Variants in DPH3 observed in about 807,000 individuals in gnomAD.
DPH3 encodes the protein diphthamide biosynthesis protein 3.
A neutral mutation model predicts 10.2 loss-of-function variants in DPH3; 8 were observed. That is an observed-to-expected ratio of 0.79 (90% CI 0.46 to 1.42). The LOEUF (loss-of-function observed/expected upper bound fraction) is 1.42, where lower values mean the gene tolerates loss of function less well. DPH3 is among the 40% of genes most tolerant of loss of function. The pLI is 0.00. For missense variants in DPH3, 96 were observed against 98.9 expected, an observed-to-expected ratio of 0.97 and a Z score of 0.12; for synonymous variants, 35 against 35.6, an observed-to-expected ratio of 0.98 and a Z score of 0.06.
rs750653398 is a variant in DPH3 at position 16,263,506 on chromosome 3, C to T, written c.183+649G>A. On this transcript the variant is annotated intron_variant, in intron 2 of 2. Coordinates refer to ENST00000488423, the MANE Select transcript of DPH3 (RefSeq NM_206831.3). The surrounding 1 kb of genome is among the most constrained non-coding windows in gnomAD (Gnocchi z 4.0). The stretch of plus-strand genomic sequence containing the variant: ...CTAAATTATAGTCTAAATTATAGCC[C>T]GCTTCTCTCATGAGGCTCTGTGCCT... Among the ~76,000 whole-genome samples, 4 of 152,122 alleles carry T rather than the reference C, an allele frequency of 2.6e-5. No individual in the cohort carries two copies. The highest frequency in any genetic ancestry group is 2.1e-4 in the South Asian group (1 of 4,826).
rs2064290690 is a variant in DPH3, at chr3:16,261,046, A to G, written c.184-217T>C. On this transcript the variant is annotated intron_variant, in intron 2 of 2. Coordinates refer to ENST00000488423, the MANE Select transcript of DPH3 (RefSeq NM_206831.3). This position sits in a 1 kb window ranked among gnomAD's most constrained non-coding sequence, Gnocchi z 7.1. ...GATCTGAATTCATTATTTAATACAA[A>G]GCACCTTATAAACAAACATCCCTAT... is the stretch of plus-strand genomic sequence containing the variant. Among the ~76,000 whole-genome samples the G allele has an allele frequency of 6.6e-6, 1 of 152,242 alleles. No individual in the cohort carries two copies. Among genetic ancestry groups the G allele is most frequent in the African/African-American group, 2.4e-5 (1 of 41,470 alleles).
At position 16,258,971 on chromosome 3, in the gene DPH3, T is replaced by C. The variant is rs1467058486; in HGVS notation, c.*1793A>G. The C allele has an allele frequency of 2.6e-5, 4 of 152,248 alleles. No individual in the cohort carries two copies. Among genetic ancestry groups the C allele is most frequent in the African/African-American group, 9.6e-5 (4 of 41,466 alleles). The allele number at this position is 152,248 out of a possible 1,614,324, so 9.4% of individuals were successfully genotyped here. ...TCTTTTTTCCTGGGATGTGTGAACC[T>C]GGCAACTTTTCTTCCTGTTCTTCTA... On this transcript the variant is annotated 3_prime_UTR_variant, in exon 3 of 3. Coordinates refer to ENST00000488423, the MANE Select transcript of DPH3 (RefSeq NM_206831.3).
rs555507810 is a variant in DPH3, at chr3:16,258,151, G to C, written c.*2613C>G. 4 of 152,292 alleles carry C rather than the reference G, an allele frequency of 2.6e-5. 1 individual carries two copies. The highest frequency in any genetic ancestry group is 1.9e-4 in the East Asian group (1 of 5,186). The allele number at this position is 152,292 out of a possible 1,614,324, so 9.4% of individuals were successfully genotyped here. A position where few individuals can be genotyped will look rare whatever the true frequency, so the allele number is the denominator to read the frequency against. On this transcript the variant is annotated 3_prime_UTR_variant, in exon 3 of 3. Coordinates refer to ENST00000488423, the MANE Select transcript of DPH3 (RefSeq NM_206831.3). ...ACAGTCGACTTCATATTTTAAACTT[G>C]TAAGTGTGGTAACATCAAGTTTTGG...
intron 2 of DPH3, 93 bp from the exon 3 acceptor site, chr3:16,260,922 C>G: frequency 9.0e-7 from 1 of 1,114,038 alleles, no homozygotes; most frequent in Non-Finnish European, 1.3e-6. Context: ...ATCAATCCAG[C>G]GCTGTTAATT....
At chr3:16,264,118 C>A in intron 2 of DPH3, 37 bp downstream of exon 2, 1 of 1,497,460 alleles carries the variant, frequency 6.7e-7, no homozygotes, top group Non-Finnish European at 9.2e-7. Flanking sequence ...CACTGACTTA[C>A]AATACCCTTC....
At position 16,260,842 on chromosome 3, in the gene DPH3, G is replaced by A; in HGVS notation, c.184-13C>T. ...ACACAAACTGATCCTAAGACAGAGT[G>A]AGAAATGACATTAACCAATGAATTT... On this transcript the variant is annotated splice_polypyrimidine_tract_variant and intron_variant, in intron 2 of 2. Transcript: ENST00000488423. 6.2e-7 allele frequency: 1 copy of A among 1,610,902 alleles called. No homozygotes were observed.
chr3:16,264,283 TC>T, intron 1 of DPH3, 54 bp from the exon 2 acceptor site: 1 of 1,449,770 alleles, frequency 6.9e-7, no homozygotes, highest in Non-Finnish European at 9.5e-7. Flanking sequence ...CGCCATCTCC[TC>T]CCCCAAACCT....
chr3:16,264,214 C>T lies in DPH3; in HGVS notation c.124G>A (p.Gly42Arg). ...FSITKEDLEN[G>R]EDVATCPSCS... ...CTAGGACACGTTGCCACGTCTTCCCCATTCTCCAAATCTTCCTACAACGAA... is the reference window on the plus strand; with the variant it reads ...CTAGGACACGTTGCCACGTCTTCCCTATTCTCCAAATCTTCCTACAACGAA... The change falls in exon 2 of 3, where the codon GGG becomes AGG. Residue 42 changes from glycine (G) to arginine (R), a missense_variant. By Grantham distance (125) the Gly-to-Arg change is moderately radical (BLOSUM62 -2). Transcript: ENST00000488423. 6.2e-7 allele frequency: 1 copy of T among 1,607,854 alleles called. No individual in the cohort carries two copies. The highest frequency in any genetic ancestry group is 8.5e-7 in the Non-Finnish European group (1 of 1,175,900).
chr3:16,264,780 A>G lies in DPH3; in HGVS notation c.97T>C (p.Ser33Pro). 6.2e-7 allele frequency: 1 copy of G among 1,614,130 alleles called. No individual in the cohort carries two copies. Residue 33 changes from serine (S) to proline (P), a missense_variant, in exon 1 of 3, where the codon TCC becomes CCC. Physicochemically the swap from Ser to Pro is moderately conservative, Grantham distance 74. Coordinates refer to ENST00000488423, the MANE Select transcript of DPH3 (RefSeq NM_206831.3). Reference sequence around the variant, plus strand: ...GACCCTGAAGTTACCTTGGTGATGGAGAAGTTATCTCCACATGGGCAGGGA... The same window carrying G: ...GACCCTGAAGTTACCTTGGTGATGGGGAAGTTATCTCCACATGGGCAGGGA... The part of the protein sequence containing the change: ...FYPCPCGDNF[S>P]ITKEDLENGE...
At chr3:16,260,881 C>T (rs1200341623) in intron 2 of DPH3, 52 bp from the exon 3 acceptor site, 28 of 1,506,354 alleles carry the variant, frequency 1.9e-5, no homozygotes, top group Non-Finnish European at 2.4e-5. Context: ...GTCACAAATA[C>T]ATTAATATTA....
chr3:16,264,188 G>C lies in DPH3; in HGVS notation c.150C>G (p.Ser50Arg). The C allele has an allele frequency of 6.2e-7, 1 of 1,611,504 alleles. No homozygotes were observed. Among genetic ancestry groups the C allele is most frequent in the Non-Finnish European group, 8.5e-7 (1 of 1,178,240 alleles). The part of the protein sequence containing the change: ...ENGEDVATCP[S>R]CSLIIKVIYD... ...AAATCACTTTTATAATGAGAGAGCA[G>C]CTAGGACACGTTGCCACGTCTTCCC... Residue 50 changes from serine (S) to arginine (R), a missense_variant, in exon 2 of 3, where the codon AGC (serine) becomes AGG (arginine). Transcript: ENST00000488423.
chr3:16,260,826 G>C lies in DPH3; in HGVS notation c.187C>G (p.Gln63Glu). The C allele has an allele frequency of 6.2e-7, 1 of 1,613,594 alleles. No homozygotes were observed. The highest frequency in any genetic ancestry group is 2.2e-5 in the East Asian group (1 of 44,864). ...GGGACTGTTTCTCCACACACAAACT[G>C]ATCCTAAGACAGAGTGAGAAATGAC... Reference protein sequence around the residue: ...LIIKVIYDKDQFVCGETVPAP... With the variant: ...LIIKVIYDKDEFVCGETVPAP... The change falls in exon 3 of 3, where the codon CAG becomes GAG. Residue 63 changes from glutamine (Q) to glutamate (E), a missense_variant. Transcript: ENST00000488423.
rs1415352716 is a variant in DPH3, at chr3:16,258,008, T to G, written c.*2756A>C. 1 of 152,214 alleles carries G rather than the reference T, an allele frequency of 6.6e-6. No individual in the cohort carries two copies. The highest frequency in any genetic ancestry group is 2.4e-5 in the African/African-American group (1 of 41,454). The allele number at this position is 152,214 out of a possible 1,614,324, so 9.4% of individuals were successfully genotyped here. On this transcript the variant is annotated 3_prime_UTR_variant, in exon 3 of 3. Coordinates refer to ENST00000488423, the MANE Select transcript of DPH3 (RefSeq NM_206831.3). ...TTGAATTATCTGACTTTATTTAGCA[T>G]GCAATGCAATTTATTCTGGCAATAA...
chr3:16,257,253 C>T lies in DPH3; in HGVS notation c.*3511G>A, dbSNP rs1469675233. ...AGATACTAGCTCATTTAATCATTTT[C>T]ACAAGGCTGTTTCCTTCTCATCCTT... On this transcript the variant is annotated 3_prime_UTR_variant, in exon 3 of 3. Transcript: ENST00000488423. Among the ~76,000 whole-genome samples the T allele has an allele frequency of 1.3e-5, 2 of 152,190 alleles. No individual in the cohort carries two copies.
At position 16,262,690 on chromosome 3, in the gene DPH3, T is replaced by A. The variant is rs1209795914; in HGVS notation, c.183+1465A>T. Reference sequence around the variant, plus strand: ...CAATCTCTCTCATGAACGCCAGACATGCATATCCAATTGCCTTCTCAACAG... The same window carrying A: ...CAATCTCTCTCATGAACGCCAGACAAGCATATCCAATTGCCTTCTCAACAG... On this transcript the variant is annotated intron_variant, in intron 2 of 2. Coordinates refer to ENST00000488423, the MANE Select transcript of DPH3 (RefSeq NM_206831.3). This position sits in a 1 kb window ranked among gnomAD's most constrained non-coding sequence, Gnocchi z 4.7. Among the ~76,000 whole-genome samples, 4 of 152,204 alleles carry A rather than the reference T, an allele frequency of 2.6e-5. No homozygotes were observed. The highest frequency in any genetic ancestry group is 6.5e-5 in the Admixed American group (1 of 15,286).
At chr3:16,260,883 T>C (rs1451713361) in intron 2 of DPH3, 54 bp from the exon 3 acceptor site, 1 of 1,500,300 alleles carries the variant, frequency 6.7e-7, no homozygotes, top group African/African-American at 1.4e-5. Context: ...CACAAATACA[T>C]TAATATTAAA....
At chr3:16,260,895 C>T (rs2124932215) in intron 2 of DPH3, 66 bp from the exon 3 acceptor site, 3 of 1,414,720 alleles carry the variant, frequency 2.1e-6, no homozygotes, top group Middle Eastern at 3.5e-4. Context: ...AATATTAAAC[C>T]TTCATTTTGT....
At position 16,264,118 on chromosome 3, in the gene DPH3, C is replaced by T. The variant is rs371302615; in HGVS notation, c.183+37G>A. The T allele has an allele frequency of 2.7e-6, 4 of 1,497,342 alleles. No individual in the cohort carries two copies. In the African/African-American group the frequency reaches 4.1e-5, roughly 15 times the overall value. The allele number at this position is 1,497,342 out of a possible 1,614,324, so 92.8% of individuals were successfully genotyped here. ...GATCTAAGTCCTTGCCACTGACTTACAATACCCTTCCCCCGTTTTAAAATT... is the reference window on the plus strand; with the variant it reads ...GATCTAAGTCCTTGCCACTGACTTATAATACCCTTCCCCCGTTTTAAAATT... On this transcript the variant is annotated intron_variant, in intron 2 of 2. Coordinates refer to ENST00000488423, the MANE Select transcript of DPH3 (RefSeq NM_206831.3).
intron 1 of DPH3, 147 bp from the exon 2 acceptor site, chr3:16,264,376 T>G (rs1295089582): frequency 2.3e-5 from 13 of 557,282 alleles, no homozygotes; most frequent in Admixed American, 3.3e-5. Context: ...CAGCGAGAAA[T>G]GCCGACATCA....
Sources: gnomAD v4.1 joint callset for allele counts (sites outside exome capture counted in the v4.1 genomes callset) on GRCh38, gnomAD v4.1.1 for gene constraint, Gnocchi (gnomAD v3.1) non-coding constraint, MANE v1.5 for transcripts, NCBI Gene and HGNC (gene_info 2026-07-23, HGNC 2026-07-21) for gene names.